Variants in KATNIP observed in about 807,000 individuals in gnomAD.
KATNIP encodes katanin-interacting protein.
In KATNIP, 126 loss-of-function variants were observed where a neutral mutation model predicts 174.0. The observed-to-expected ratio is 0.72, with a 90% CI of 0.63 to 0.84. KATNIP has a LOEUF of 0.84. KATNIP is among the 40% of genes least tolerant of loss of function. The probability of loss-of-function intolerance (pLI) is 0.00; values close to 1 mark genes in which losing one functional copy is unlikely to be tolerated. For synonymous variants in KATNIP, 810 were observed against 835.7 expected, an observed-to-expected ratio of 0.97 and a Z score of 0.53; for missense variants, 1,958 against 2,109.7, an observed-to-expected ratio of 0.93 and a Z score of 1.41.
chr16:27,721,423 G>A (rs1270301214), intron 13 of KATNIP, 135 bp from the exon 14 acceptor site: 12 of 994,004 alleles, frequency 1.2e-5, no homozygotes, highest in African/African-American at 4.8e-5. Flanking sequence ...TGATGGCAAC[G>A]GGGTGGCCTG....
chr16:27,607,926 T>A (rs1747623737), intron 2 of KATNIP, among the ~76,000 whole-genome samples: 1 of 152,150 alleles, frequency 6.6e-6, no homozygotes, highest in Admixed American at 6.6e-5. Context: ...ATGGTCTCAG[T>A]GTTATCCCGT....
In KATNIP at chr16:27,708,412, C is replaced by G. The variant is rs1465954608; in HGVS notation, c.1390-293C>G. 1.8e-5 allele frequency: 6 copies of G among 328,440 alleles called. No individual in the cohort carries two copies. In the Admixed American group the frequency reaches 2.7e-4, roughly 15 times the overall value. 20.3% of individuals were successfully genotyped at this position (328,440 alleles called of 1,614,324 possible). A position where few individuals can be genotyped will look rare whatever the true frequency, so the allele number is the denominator to read the frequency against. ...GTAGTGGGGGAGAGACGTGCATGTT[C>G]AGGCAGAATTCAATGCTTTTTAGAC... On this transcript the variant is annotated intron_variant, in intron 12 of 27. Transcript: ENST00000261588.
At chr16:27,587,112 A>G (rs2090933079) in intron 2 of KATNIP, among the ~76,000 whole-genome samples, 1 of 152,118 alleles carries the variant, frequency 6.6e-6, no homozygotes, top group Admixed American at 6.5e-5. Context: ...GTTTTCAGCA[A>G]TTACCTAACC....
At chr16:27,632,510 T>G (rs1597002323) in intron 5 of KATNIP, 1 of 427,090 alleles carries the variant, frequency 2.3e-6, no homozygotes, top group South Asian at 1.6e-5. Flanking sequence ...GATCTGAGGG[T>G]GGAGGTTTTG....
intron 14 of KATNIP, among the ~76,000 whole-genome samples, chr16:27,725,263 G>A (rs2080398934): frequency 6.6e-6 from 1 of 152,232 alleles, no homozygotes; most frequent in Non-Finnish European, 1.5e-5. Context: ...TATGAGGCAG[G>A]TGGTGGTATT....
intron 19 of KATNIP, among the ~76,000 whole-genome samples, chr16:27,765,375 G>A (rs1400943475): frequency 6.6e-6 from 1 of 152,218 alleles, no homozygotes; most frequent in Admixed American, 6.5e-5. Context: ...AAACTGGCCA[G>A]GACAGGAGTG....
intron 14 of KATNIP, among the ~76,000 whole-genome samples, chr16:27,731,128 G>A (rs558132353): frequency 4.0e-5 from 6 of 151,616 alleles, no homozygotes; most frequent in East Asian, 1.9e-4. Context: ...GGACCCCCCC[G>A]TCCCCCACCA....
intron 3 of KATNIP, among the ~76,000 whole-genome samples, chr16:27,624,601 A>G (rs1050702159): frequency 1.3e-5 from 2 of 151,936 alleles, no homozygotes; most frequent in Non-Finnish European, 2.9e-5. Context: ...GGATCCACTG[A>G]GCCTAGGAGT....
chr16:27,632,350 G>T, intron 5 of KATNIP: 1 of 202,844 alleles, frequency 4.9e-6, no homozygotes, highest in South Asian at 5.9e-5. Flanking sequence ...GGGATAAGAC[G>T]GATTTATGCT....
At chr16:27,576,869 G>A (rs769602694) in intron 2 of KATNIP, among the ~76,000 whole-genome samples, 1 of 152,182 alleles carries the variant, frequency 6.6e-6, no homozygotes, top group African/African-American at 2.4e-5. Flanking sequence ...AACAAATGTT[G>A]TATTTCTCAA....
chr16:27,623,799 C>T (rs1444032831), intron 3 of KATNIP, among the ~76,000 whole-genome samples: 2 of 152,104 alleles, frequency 1.3e-5, no homozygotes, highest in Non-Finnish European at 2.9e-5. Context: ...GGCAGCCACA[C>T]CACTCAGAGA....
At chr16:27,609,145 T>G (rs1233178200) in intron 2 of KATNIP, among the ~76,000 whole-genome samples, 1 of 152,132 alleles carries the variant, frequency 6.6e-6, no homozygotes, top group Non-Finnish European at 1.5e-5. Context: ...CACTCAACAA[T>G]TTCATTGGAA....
In KATNIP at chr16:27,613,104, C is replaced by CAAAAAA. The variant is rs137920807; in HGVS notation, c.64-5319_64-5314dup. 9.4e-3 allele frequency among the ~76,000 whole-genome samples: 1,422 copies of CAAAAAA among 151,230 alleles called. 25 individuals carry two copies. The highest frequency in any genetic ancestry group is 0.033 in the African/African-American group (1,368 of 41,074). On this transcript the variant is annotated intron_variant, in intron 2 of 27. Coordinates refer to ENST00000261588, the MANE Select transcript of KATNIP (RefSeq NM_015202.5). ...CAAAACCACGTCTCTACAAAAAATA[C>CAAAAAA]AAAAAAAGAAAAAAGAAAAAAATTA...
chr16:27,667,523 GTT>G (rs1347225665), intron 6 of KATNIP, among the ~76,000 whole-genome samples: 1 of 152,130 alleles, frequency 6.6e-6, no homozygotes, highest in Non-Finnish European at 1.5e-5. Flanking sequence ...TCAACTCCCA[GTT>G]TTACAAAACT....
chr16:27,767,169 AG>A (rs147451847), intron 20 of KATNIP, among the ~76,000 whole-genome samples: 2,632 of 152,226 alleles, frequency 0.017, 82 homozygotes, highest in African/African-American at 0.06. Flanking sequence ...CAATTCAGCT[AG>A]GGCCCTACTA....
At chr16:27,559,690 A>AAG (rs906434756) in intron 1 of KATNIP, among the ~76,000 whole-genome samples, 1 of 150,066 alleles carries the variant, frequency 6.7e-6, no homozygotes, top group Non-Finnish European at 1.5e-5. Context: ...CAAAAAAAAA[A>AAG]AAAAAATAGT....
In KATNIP at chr16:27,733,199, C is replaced by T. The variant is rs115222491; in HGVS notation, c.1744-6842C>T. 9.9e-3 allele frequency among the ~76,000 whole-genome samples: 1,514 copies of T among 152,246 alleles called. 27 individuals carry two copies. Among genetic ancestry groups the T allele is most frequent in the African/African-American group, 0.035 (1,456 of 41,546 alleles). ...CACTGTTGCCACAGTGGAACCGTGC[C>T]GCCATGAATCTTTGTTGGGCAGTTG... On this transcript the variant is annotated intron_variant, in intron 14 of 27. Transcript: ENST00000261588.
chr16:27,574,014 G>A, intron 2 of KATNIP, 58 bp downstream of exon 2: 1 of 1,486,540 alleles, frequency 6.7e-7, no homozygotes, highest in South Asian at 1.1e-5. Flanking sequence ...AGGACCTGAG[G>A]GAGCAGGGTG....
chr16:27,598,156 A>C (rs570769266), intron 2 of KATNIP, among the ~76,000 whole-genome samples: 1 of 151,886 alleles, frequency 6.6e-6, no homozygotes, highest in Non-Finnish European at 1.5e-5. Context: ...CGGAAGACTC[A>C]CTTGAGCTTG....
Sources: allele counts gnomAD v4.1 joint callset (sites outside exome capture counted in the v4.1 genomes callset), GRCh38; gene constraint gnomAD v4.1.1; transcripts MANE v1.5; gene names NCBI Gene and HGNC (gene_info 2026-07-23, HGNC 2026-07-21).